Variants in CDK14 observed in about 807,000 individuals in gnomAD.
The protein encoded by CDK14 is cyclin dependent kinase 14.
Under a neutral mutation model 60.7 loss-of-function variants are expected in CDK14, and 34 were observed. The observed-to-expected ratio is 0.56, with a 90% confidence interval of 0.43 to 0.75. The LOEUF (loss-of-function observed/expected upper bound fraction) is 0.75, where lower values mean the gene tolerates loss of function less well. Ranked by LOEUF, CDK14 falls within the 30% of genes least tolerant of loss-of-function variation. The pLI, the probability that CDK14 is intolerant of heterozygous loss-of-function variation, is 0.00. For synonymous variants in CDK14, 197 were observed against 203.7 expected (o/e 0.97, Z 0.28); for missense variants, 482 against 564.1 (o/e 0.85, Z 1.47).
At position 91,045,717 on chromosome 7, in the gene CDK14, T is replaced by C. The variant is rs1797212703; in HGVS notation, c.1042-180T>C. Among the ~76,000 whole-genome samples the C allele has an allele frequency of 2.0e-5, 3 of 152,176 alleles. No individual in the cohort carries two copies. The South Asian group carries it at 6.2e-4, about 32-fold the overall frequency. On this transcript the variant is annotated intron_variant, in intron 10 of 14. Coordinates refer to ENST00000380050, the MANE Select transcript of CDK14 (RefSeq NM_001287135.2). ...GCTGTATTTGTTATAACACAGAGATTCATCTTGGGTGGCTCTTTAGCTGGG... is the reference window on the plus strand; with the variant it reads ...GCTGTATTTGTTATAACACAGAGATCCATCTTGGGTGGCTCTTTAGCTGGG...
At chr7:90,604,346 C>T in intron 2 of CDK14, 97 bp downstream of exon 2, 1 of 596,346 alleles carries the variant, frequency 1.7e-6, no homozygotes, top group East Asian at 3.3e-5. Context: ...AAAAAAATGC[C>T]TTTAAAACGC....
chr7:90,972,967 A>G (rs1225943889), intron 9 of CDK14, among the ~76,000 whole-genome samples: 3 of 152,218 alleles, frequency 2.0e-5, no homozygotes, highest in Non-Finnish European at 4.4e-5. Flanking sequence ...TGTGGTTAGC[A>G]TACACATTAA....
intron 14 of CDK14, among the ~76,000 whole-genome samples, chr7:91,153,165 C>T (rs1800872270): frequency 6.6e-6 from 1 of 152,068 alleles, no homozygotes; most frequent in South Asian, 2.1e-4. Context: ...AACAAGAAGC[C>T]CTAGACTCAG....
At chr7:90,956,306 A>T (rs1216330442) in intron 9 of CDK14, among the ~76,000 whole-genome samples, 1 of 152,202 alleles carries the variant, frequency 6.6e-6, no homozygotes. Flanking sequence ...ACTTTTAAAA[A>T]ATATTATATG....
chr7:90,695,234 T>C (rs1480665369), intron 2 of CDK14, among the ~76,000 whole-genome samples: 1 of 152,226 alleles, frequency 6.6e-6, no homozygotes, highest in African/African-American at 2.4e-5. Context: ...TGTAATATTT[T>C]CTACCTCATT....
rs577477031 is a variant in CDK14 at position 91,205,766 on chromosome 7, A to AG, written c.*29-1398dup. Among the ~76,000 whole-genome samples the AG allele has an allele frequency of 2.5e-4, 38 of 152,248 alleles. 1 individual carries two copies. In the East Asian group the frequency reaches 6.8e-3, roughly 27 times the overall value. On this transcript the variant is annotated intron_variant, in intron 14 of 14. Coordinates refer to ENST00000380050, the MANE Select transcript of CDK14 (RefSeq NM_001287135.2). ...ACCATAGTAAGTGGGGGAAATGAGC[A>AG]GATGGTGGAGAGAATGCTCTTTTTA...
chr7:91,058,043 G>T (rs1252473042), intron 11 of CDK14, among the ~76,000 whole-genome samples: 1 of 151,984 alleles, frequency 6.6e-6, no homozygotes, highest in Non-Finnish European at 1.5e-5. Flanking sequence ...CATGAGCATG[G>T]AATGTTCTTC....
chr7:90,697,903 C>T (rs145981243), intron 2 of CDK14, among the ~76,000 whole-genome samples: 1,840 of 151,502 alleles, frequency 0.012, 38 homozygotes, highest in African/African-American at 0.04. Context: ...CCCATCTCTA[C>T]GAAAAATACA....
At chr7:90,661,260 C>G (rs1800860242) in intron 2 of CDK14, among the ~76,000 whole-genome samples, 1 of 152,150 alleles carries the variant, frequency 6.6e-6, no homozygotes, top group Non-Finnish European at 1.5e-5. Flanking sequence ...ATATCTATTG[C>G]TGCCCTTTTT....
At chr7:90,641,354 G>T (rs1800325756) in intron 2 of CDK14, among the ~76,000 whole-genome samples, 2 of 152,060 alleles carry the variant, frequency 1.3e-5, no homozygotes, top group Non-Finnish European at 2.9e-5. Context: ...GTTCATAATA[G>T]CCAAAATGTG....
chr7:90,903,288 A>T (rs2117366917), intron 7 of CDK14, among the ~76,000 whole-genome samples: 1 of 152,298 alleles, frequency 6.6e-6, no homozygotes, highest in South Asian at 2.1e-4. Flanking sequence ...CACTATTCAC[A>T]ATAGCAAAGA....
intron 8 of CDK14, among the ~76,000 whole-genome samples, chr7:90,930,529 C>CTTTTTTTTT (rs61187542): frequency 1.2e-5 from 1 of 81,384 alleles, no homozygotes; most frequent in Non-Finnish European, 2.2e-5. Context: ...ACAGGCTAAG[C>CTTTTTTTTT]TTTTTTTTTT....
intron 9 of CDK14, among the ~76,000 whole-genome samples, chr7:90,982,534 A>G (rs1364629930): frequency 1.3e-5 from 2 of 152,198 alleles, no homozygotes; most frequent in African/African-American, 4.8e-5. Flanking sequence ...CCTTCTCCAG[A>G]TGATTCTAAT....
chr7:90,652,965 G>C (rs1439599501), intron 2 of CDK14, among the ~76,000 whole-genome samples: 1 of 152,094 alleles, frequency 6.6e-6, no homozygotes, highest in African/African-American at 2.4e-5. Flanking sequence ...TTGCTCCCCT[G>C]AATTTCTTTT....
chr7:90,784,113 A>G (rs1219698269), intron 4 of CDK14, among the ~76,000 whole-genome samples: 1 of 152,176 alleles, frequency 6.6e-6, no homozygotes, highest in South Asian at 2.1e-4. Context: ...ATAATTAGAT[A>G]TTGTCACTTG....
rs181290261 is a variant in CDK14 at position 91,000,928 on chromosome 7, T to C, written c.1041+16687T>C. Among the ~76,000 whole-genome samples, 204 of 152,290 alleles carry C rather than the reference T, an allele frequency of 1.3e-3. 2 individuals carry two copies. Among genetic ancestry groups the C allele is most frequent in the South Asian group, 4.6e-3 (22 of 4,820 alleles). The stretch of plus-strand genomic sequence containing the variant: ...TTGTATGGTCTTCGCTGGAATAAAA[T>C]TTATGGGAGCAAGCTATTCATGTCA... On this transcript the variant is annotated intron_variant, in intron 10 of 14. Coordinates refer to ENST00000380050, the MANE Select transcript of CDK14 (RefSeq NM_001287135.2).
In CDK14 at chr7:91,129,549, A is replaced by G. The variant is rs775712234; in HGVS notation, c.*28+11341A>G. Among the ~76,000 whole-genome samples, 47 of 152,304 alleles carry G rather than the reference A, an allele frequency of 3.1e-4. 2 individuals are homozygous for G. The Middle Eastern group carries it at 0.014, about 44-fold the overall frequency. On this transcript the variant is annotated intron_variant, in intron 14 of 14. Transcript: ENST00000380050. ...AGTTGTTTGAGTTGTAAGCTGAACTAACTGCTTTTTTCCAGGCATATGGTT... is the reference window on the plus strand; with the variant it reads ...AGTTGTTTGAGTTGTAAGCTGAACTGACTGCTTTTTTCCAGGCATATGGTT...
chr7:90,866,941 A>G (rs1182991245), intron 6 of CDK14, among the ~76,000 whole-genome samples: 1 of 151,770 alleles, frequency 6.6e-6, no homozygotes, highest in East Asian at 1.9e-4. Flanking sequence ...ATACAGTTAC[A>G]AAGTCTGTAG....
At chr7:90,806,255 G>A (rs1021428886) in intron 5 of CDK14, among the ~76,000 whole-genome samples, 5 of 151,914 alleles carry the variant, frequency 3.3e-5, no homozygotes, top group South Asian at 2.1e-4. Flanking sequence ...CAGCAAAAAC[G>A]TAATATATAA....
Sources: allele counts gnomAD v4.1 joint callset (sites outside exome capture counted in the v4.1 genomes callset), GRCh38; gene constraint gnomAD v4.1.1; transcripts MANE v1.5; gene names NCBI Gene and HGNC (gene_info 2026-07-23, HGNC 2026-07-21).